Variants in PPP1R17 observed in about 807,000 individuals in gnomAD.
PPP1R17 encodes the protein G-substrate.
PPP1R17 carries 12 observed loss-of-function variants against 15.9 expected under a neutral mutation model. That is an observed-to-expected ratio of 0.75 (90% CI 0.48 to 1.22). The LOEUF (loss-of-function observed/expected upper bound fraction) is 1.22, where lower values mean the gene tolerates loss of function less well. PPP1R17 is among the 50% of genes most tolerant of loss of function. The pLI, the probability that PPP1R17 is intolerant of heterozygous loss-of-function variation, is 0.00. For missense variants in PPP1R17, 211 were observed against 187.3 expected (o/e 1.13, Z -0.74); for synonymous variants, 63 against 64.5 (o/e 0.98, Z 0.11).
chr7:31,694,269 A>G (rs1583832228), intron 2 of PPP1R17, among the ~76,000 whole-genome samples: 1 of 152,134 alleles, frequency 6.6e-6, no homozygotes, highest in African/African-American at 2.4e-5. Context: ...CCCTAAGTTT[A>G]GTGGAAGGTT....
In PPP1R17 at chr7:31,708,089, G is replaced by A. The variant is rs1793144569; in HGVS notation, c.*806G>A. The A allele has an allele frequency of 6.6e-6, 1 of 152,204 alleles. No homozygotes were observed. The highest frequency in any genetic ancestry group is 1.5e-5 in the Non-Finnish European group (1 of 68,032). 9.4% of individuals were successfully genotyped at this position (152,204 alleles called of 1,614,324 possible). On this transcript the variant is annotated 3_prime_UTR_variant, in exon 5 of 5. Transcript: ENST00000342032. ...TTACTGTAAAAAAATTAAGGTCAAT[G>A]AAAGCCATTCTGTTATTTTTAGCAT...
chr7:31,694,391 C>T (rs1583832928), intron 2 of PPP1R17, among the ~76,000 whole-genome samples: 1 of 151,020 alleles, frequency 6.6e-6, no homozygotes, highest in East Asian at 1.9e-4. Flanking sequence ...CTCTCAAACA[C>T]ACACACACAC....
intron 4 of PPP1R17, among the ~76,000 whole-genome samples, chr7:31,697,667 C>T (rs888176358): frequency 1.1e-4 from 17 of 152,122 alleles, no homozygotes; most frequent in Non-Finnish European, 2.1e-4. Flanking sequence ...GGGAATAAGA[C>T]ACGTATATTC....
At chr7:31,697,455 T>C (rs1792642941) in intron 4 of PPP1R17, among the ~76,000 whole-genome samples, 1 of 152,216 alleles carries the variant, frequency 6.6e-6, no homozygotes, top group Non-Finnish European at 1.5e-5. Flanking sequence ...TTGCGTCTTA[T>C]GGCTGGTTCT....
At chr7:31,692,646 G>A in intron 2 of PPP1R17, 123 bp downstream of exon 2, 1 of 847,616 alleles carries the variant, frequency 1.2e-6, no homozygotes, top group South Asian at 1.6e-5. Context: ...TGTGCCTTCT[G>A]GTGACAGCCA....
intron 4 of PPP1R17, among the ~76,000 whole-genome samples, chr7:31,704,762 G>A (rs1484511172): frequency 6.6e-6 from 1 of 152,176 alleles, no homozygotes; most frequent in Non-Finnish European, 1.5e-5. Flanking sequence ...TAGGTTAAGT[G>A]AGTGCTCAAG....
chr7:31,697,160 C>G, intron 4 of PPP1R17, 43 bp downstream of exon 4: 1 of 1,606,622 alleles, frequency 6.2e-7, no homozygotes, highest in South Asian at 1.1e-5. Flanking sequence ...GTGATGGGGA[C>G]AGGTCAAGAA....
Position 31,695,587 on chromosome 7 carries a change from T to C in PPP1R17, c.201T>C (p.Asp67=). ...ACCAAAAAAAACCAAGGAGGAAAGA[T>C]ACACCGGCGCTGCACATCCCACCTT... The part of the protein sequence containing the change: ...ESDQKKPRRK[D]TPALHIPPFI... Residue 67 remains aspartate, a synonymous_variant, in exon 3 of 5, where the codon GAT becomes GAC. Transcript: ENST00000342032. 1 of 1,613,894 alleles carries C rather than the reference T, an allele frequency of 6.2e-7. No individual in the cohort carries two copies. The highest frequency in any genetic ancestry group is 8.5e-7 in the Non-Finnish European group (1 of 1,179,920).
At chr7:31,699,444 G>A (rs1792749556) in intron 4 of PPP1R17, among the ~76,000 whole-genome samples, 1 of 152,178 alleles carries the variant, frequency 6.6e-6, no homozygotes, top group South Asian at 2.1e-4. Context: ...TATTGGTCAA[G>A]GGGTCCAGAG....
At chr7:31,704,609 G>A (rs7801019) in intron 4 of PPP1R17, among the ~76,000 whole-genome samples, 4,605 of 152,336 alleles carry the variant, frequency 0.03, 225 homozygotes, top group African/African-American at 0.1. Flanking sequence ...TTCCTACAAT[G>A]TGAAATATGC....
At chr7:31,697,309 T>C (rs575366860) in intron 4 of PPP1R17, among the ~76,000 whole-genome samples, 192 bp downstream of exon 4, 96 of 152,202 alleles carry the variant, frequency 6.3e-4, no homozygotes, top group Non-Finnish European at 1.2e-3. Flanking sequence ...CAGGGGCTGA[T>C]GTGGGGATGG....
intron 2 of PPP1R17, 23 bp from the exon 3 acceptor site, chr7:31,695,446 T>A: frequency 6.3e-7 from 1 of 1,581,216 alleles, no homozygotes; most frequent in Non-Finnish European, 8.6e-7. Flanking sequence ...ATTCTTTATT[T>A]CTTTGTATCC....
chr7:31,688,167 T>C (rs1792185381), intron 1 of PPP1R17, among the ~76,000 whole-genome samples: 1 of 152,208 alleles, frequency 6.6e-6, no homozygotes. Flanking sequence ...CGGGACTCCA[T>C]GCACATTCTA....
At position 31,707,300 on chromosome 7, in the gene PPP1R17, A is replaced by G. The variant is rs942909244; in HGVS notation, c.*17A>G. 9 of 1,603,628 alleles carry G rather than the reference A, an allele frequency of 5.6e-6. No individual in the cohort carries two copies. The African/African-American group carries it at 1.1e-4, about 19-fold the overall frequency. On this transcript the variant is annotated 3_prime_UTR_variant, in exon 5 of 5. Coordinates refer to ENST00000342032, the MANE Select transcript of PPP1R17 (RefSeq NM_006658.5). ...GCTATTTAAAGATAGTTCCCCTGAG[A>G]CCACTTGTAAATAGGTTAGATTGGT... is the stretch of plus-strand genomic sequence containing the variant.
chr7:31,696,872 T>C lies in PPP1R17; in HGVS notation c.236-93T>C. 5.0e-6 allele frequency: 7 copies of C among 1,391,748 alleles called. No individual in the cohort carries two copies. In the South Asian group the frequency reaches 1.0e-4, roughly 20 times the overall value. 86.2% of individuals were successfully genotyped at this position (1,391,748 alleles called of 1,614,324 possible). A position where few individuals can be genotyped will look rare whatever the true frequency, so the allele number is the denominator to read the frequency against. ...TAAGTTTGGAAAGCTATATTGACTG[T>C]CTTCACCAGATGTCTATAAATATGC... On this transcript the variant is annotated intron_variant, in intron 3 of 4. Transcript: ENST00000342032.
chr7:31,692,653 G>C, intron 2 of PPP1R17, 130 bp downstream of exon 2: 1 of 767,056 alleles, frequency 1.3e-6, no homozygotes, highest in Admixed American at 2.5e-5. Flanking sequence ...TCTGGTGACA[G>C]CCAACACCAG....
chr7:31,707,351 T>C lies in PPP1R17; in HGVS notation c.*68T>C, dbSNP rs1326578078. ...TCCCTGTGGTGACCTAGAGAAAAAA[T>C]AGACTTGTTTCTGCTCTCATTTTTG... On this transcript the variant is annotated 3_prime_UTR_variant, in exon 5 of 5. Coordinates refer to ENST00000342032, the MANE Select transcript of PPP1R17 (RefSeq NM_006658.5). 8.2e-6 allele frequency: 11 copies of C among 1,339,272 alleles called. No individual in the cohort carries two copies. Among genetic ancestry groups the C allele is most frequent in the African/African-American group, 1.5e-5 (1 of 68,628 alleles). 83.0% of individuals were successfully genotyped at this position (1,339,272 alleles called of 1,614,324 possible).
chr7:31,690,669 A>T (rs896911612), intron 1 of PPP1R17, among the ~76,000 whole-genome samples: 3 of 152,246 alleles, frequency 2.0e-5, no homozygotes, highest in African/African-American at 7.2e-5. Context: ...TATTAGGCAC[A>T]TAAGAACAGC....
intron 2 of PPP1R17, among the ~76,000 whole-genome samples, 173 bp from the exon 3 acceptor site, chr7:31,695,296 T>C (rs1562697650): frequency 2.0e-5 from 3 of 152,208 alleles, no homozygotes. Context: ...TATATGAATT[T>C]ATGCAAGGCT....
Sources: gnomAD v4.1 joint callset for allele counts (sites outside exome capture counted in the v4.1 genomes callset) on GRCh38, gnomAD v4.1.1 for gene constraint, MANE v1.5 for transcripts, NCBI Gene and HGNC (gene_info 2026-07-23, HGNC 2026-07-21) for gene names.